CCT3: variants seen among roughly 807,000 people sequenced by gnomAD.
CCT3 encodes the protein T-complex protein 1 subunit gamma.
CCT3 carries 10 observed loss-of-function variants against 65.3 expected under a neutral mutation model. That is an observed-to-expected ratio of 0.15 (90% confidence interval 0.09 to 0.26). CCT3 has a LOEUF of 0.26. Ranked by LOEUF, CCT3 falls within the 10% of genes least tolerant of loss-of-function variation. CCT3 has a pLI of 1.00. For missense variants in CCT3, 626 were observed against 708.7 expected (o/e 0.88, Z 1.33); for synonymous variants, 225 against 242.3 (o/e 0.93, Z 0.66).
At chr1:156,326,784 A>G (rs1254031452) in intron 5 of CCT3, among the ~76,000 whole-genome samples, 1 of 152,024 alleles carries the variant, frequency 6.6e-6, no homozygotes, top group African/African-American at 2.4e-5. Flanking sequence ...GGTGGCTCAC[A>G]CCTTGTAATC....
At chr1:156,334,095 C>T (rs1237262128) in intron 4 of CCT3, among the ~76,000 whole-genome samples, 2 of 151,922 alleles carry the variant, frequency 1.3e-5, no homozygotes, top group Non-Finnish European at 2.9e-5. Context: ...AAAATTAAGC[C>T]GGGTGTGGTG....
At chr1:156,315,248 G>A (rs1341973927) in intron 10 of CCT3, among the ~76,000 whole-genome samples, 4 of 152,064 alleles carry the variant, frequency 2.6e-5, no homozygotes, top group African/African-American at 4.8e-5. Context: ...CACTCTTGTC[G>A]CCCAGGTTGG....
intron 6 of CCT3, among the ~76,000 whole-genome samples, chr1:156,324,183 T>C (rs1035854417): frequency 6.6e-6 from 1 of 152,038 alleles, no homozygotes; most frequent in Non-Finnish European, 1.5e-5. Flanking sequence ...TTCTCCTGCC[T>C]CAGCCTCCTG....
chr1:156,338,047 A>T, intron 1 of CCT3, 107 bp downstream of exon 1: 4 of 1,221,040 alleles, frequency 3.3e-6, no homozygotes, highest in South Asian at 1.3e-5. Flanking sequence ...CGATGATTGG[A>T]AGGCTCAGTG....
chr1:156,310,988 A>C lies in CCT3; in HGVS notation c.1363T>G (p.Cys455Gly). ...AGTAGACGGATGGTGCTGGCCCCACAGTTCTGGATCAGGGTACGAGGAATG... is the reference window on the plus strand; with the variant it reads ...AGTAGACGGATGGTGCTGGCCCCACCGTTCTGGATCAGGGTACGAGGAATG... ...EVIPRTLIQNCGASTIRLLTS... is the reference protein window; with the variant it reads ...EVIPRTLIQNGGASTIRLLTS... Residue 455 changes from cysteine (C) to glycine (G), a missense_variant, in exon 12 of 14, where the codon TGT becomes GGT. Transcript: ENST00000295688. 2 of 1,614,156 alleles carry C rather than the reference A, an allele frequency of 1.2e-6. No individual in the cohort carries two copies. The highest frequency in any genetic ancestry group is 1.7e-6 in the Non-Finnish European group (2 of 1,180,028).
intron 6 of CCT3, among the ~76,000 whole-genome samples, chr1:156,323,441 C>T (rs995319478): frequency 6.6e-6 from 1 of 151,722 alleles, no homozygotes; most frequent in African/African-American, 2.4e-5. Flanking sequence ...TCCAGTTGGG[C>T]GTGGAAAAAA....
At chr1:156,333,459 A>T in intron 5 of CCT3, 88 bp downstream of exon 5, 1 of 901,364 alleles carries the variant, frequency 1.1e-6, no homozygotes, top group Non-Finnish European at 1.8e-6. Flanking sequence ...ATCTGTAATT[A>T]GTGGATCTGT....
At chr1:156,337,845 C>T (rs1385314386) in intron 1 of CCT3, 1 of 470,880 alleles carries the variant, frequency 2.1e-6, no homozygotes, top group Non-Finnish European at 3.8e-6. Flanking sequence ...GACAATCAGG[C>T]TAGAAAGGGC....
intron 10 of CCT3, among the ~76,000 whole-genome samples, chr1:156,313,808 G>A (rs1004397577): frequency 2.0e-5 from 3 of 152,158 alleles, no homozygotes; most frequent in African/African-American, 4.8e-5. Context: ...AAGAACCGTC[G>A]GCTGGGCACG....
chr1:156,325,809 G>A (rs1017175794), intron 5 of CCT3, among the ~76,000 whole-genome samples: 2 of 151,690 alleles, frequency 1.3e-5, no homozygotes, highest in Non-Finnish European at 2.9e-5. Context: ...TCTCGAACTC[G>A]TGACCTCAGG....
At chr1:156,313,644 C>T (rs922490889) in intron 10 of CCT3, among the ~76,000 whole-genome samples, 4 of 152,172 alleles carry the variant, frequency 2.6e-5, no homozygotes, top group African/African-American at 9.7e-5. Flanking sequence ...AGTACTTTTC[C>T]AGAAAGGGAC....
chr1:156,323,496 G>A (rs974472436), intron 6 of CCT3, among the ~76,000 whole-genome samples: 2 of 151,990 alleles, frequency 1.3e-5, no homozygotes, highest in Non-Finnish European at 1.5e-5. Context: ...ATGGAGTCTC[G>A]CTCTGTCGCC....
chr1:156,314,744 C>A (rs12047994), intron 10 of CCT3, among the ~76,000 whole-genome samples: 35,249 of 151,816 alleles, frequency 0.23, 4,761 homozygotes, highest in Non-Finnish European at 0.29. Flanking sequence ...ACAAAAAAAA[C>A]CAAACAGAAG....
Position 156,324,969 on chromosome 1 carries a change from T to TAC in CCT3, c.422+1_422+2dup, listed in dbSNP as rs767954428. The TAC allele has an allele frequency of 5.0e-5, 80 of 1,589,726 alleles. No homozygotes were observed. Among genetic ancestry groups the TAC allele is most frequent in the Non-Finnish European group, 8.6e-6 (10 of 1,158,266 alleles). On this transcript the variant is annotated splice_region_variant and intron_variant, in intron 6 of 13. Transcript: ENST00000295688. ...TACTACCTATTTCTTGCCCCCAAGA[T>TAC]ACCTTATTTTCTTTAGGGTGCTGAT...
intron 1 of CCT3, 29 bp downstream of exon 1, chr1:156,338,125 G>A (rs190257333): frequency 4.0e-5 from 63 of 1,575,014 alleles, no homozygotes; most frequent in African/African-American, 3.3e-4. Flanking sequence ...CGAAAAGGGG[G>A]TCCATTTCCT....
chr1:156,320,929 G>A lies in CCT3; in HGVS notation c.519C>T (p.Cys173=). The change falls in exon 7 of 14, where the codon TGC becomes TGT. Residue 173 remains cysteine, a synonymous_variant. Coordinates refer to ENST00000295688, the MANE Select transcript of CCT3 (RefSeq NM_005998.5). The part of the protein sequence containing the change: ...KAISRWSSLA[C]NIALDAVKMV... ...TCTTGACAGCATCCAGGGCAATGTT[G>A]CAAGCCAAAGATGACCACCGACTGA... The A allele has an allele frequency of 6.2e-7, 1 of 1,613,838 alleles. No individual in the cohort carries two copies. Among genetic ancestry groups the A allele is most frequent in the Non-Finnish European group, 8.5e-7 (1 of 1,179,814 alleles).
intron 2 of CCT3, chr1:156,335,476 A>G (rs527921818): frequency 8.4e-6 from 2 of 238,350 alleles, no homozygotes; most frequent in African/African-American, 2.3e-5. Context: ...CATTTACCGA[A>G]TATCTATCCA....
intron 13 of CCT3, 48 bp downstream of exon 13, chr1:156,310,510 A>G: frequency 5.3e-6 from 7 of 1,315,980 alleles, no homozygotes; most frequent in Non-Finnish European, 7.0e-6. Flanking sequence ...AAATAGATAA[A>G]TAAATAAATT....
chr1:156,311,224 C>G, intron 11 of CCT3, 29 bp from the exon 12 acceptor site: 1 of 1,604,584 alleles, frequency 6.2e-7, no homozygotes, highest in Non-Finnish European at 8.5e-7. Context: ...CAGTATGAAG[C>G]CAAAGCTTGA....
Sources: gnomAD v4.1 joint callset for allele counts (sites outside exome capture counted in the v4.1 genomes callset) on GRCh38, gnomAD v4.1.1 for gene constraint, MANE v1.5 for transcripts, NCBI Gene and HGNC (gene_info 2026-07-23, HGNC 2026-07-21) for gene names.